The following MUSK variants were observed in gnomAD, a reference collection of about 807,000 sequenced individuals.
The protein encoded by MUSK is muscle, skeletal receptor tyrosine-protein kinase.
MUSK carries 55 observed loss-of-function variants against 88.7 expected under a neutral mutation model. The ratio of observed to expected loss-of-function variants is 0.62; its 90% CI spans 0.50 to 0.78. MUSK has a LOEUF of 0.78. MUSK is among the 30% of genes least tolerant of loss of function. The pLI is 0.00. For synonymous variants in MUSK, 387 were observed against 391.9 expected (o/e 0.99, Z 0.15); for missense variants, 1,015 against 1,074.3 (o/e 0.94, Z 0.77).
At chr9:110,683,701 T>C (rs1336793764) in intron 2 of MUSK, among the ~76,000 whole-genome samples, 1 of 152,172 alleles carries the variant, frequency 6.6e-6, no homozygotes, top group Non-Finnish European at 1.5e-5. Context: ...GATATCTTAT[T>C]GTAGTTTTTA....
chr9:110,759,155 T>G (rs1250811801), intron 7 of MUSK, among the ~76,000 whole-genome samples: 1 of 152,086 alleles, frequency 6.6e-6, no homozygotes, highest in African/African-American at 2.4e-5. Context: ...TGGAAGAGAA[T>G]AGAGAGCTCA....
intron 2 of MUSK, among the ~76,000 whole-genome samples, chr9:110,685,085 T>C (rs756283288): frequency 1.4e-4 from 21 of 152,248 alleles, no homozygotes; most frequent in Middle Eastern, 3.4e-3. Context: ...TTCAGTATGA[T>C]ACTACTAGCT....
rs751003770 is a variant in MUSK at position 110,747,659 on chromosome 9, C to T, written c.772C>T (p.Gln258Ter). ...CTGTCAGGTTTCTTCTGGGTCCATT[C>T]AAGAGAGTGTGAAAGACCGAGTGAT... is the stretch of plus-strand genomic sequence containing the variant. ...NGNAVSSGSI[Q>*]ESVKDRVIDS... The change falls in exon 7 of 15, where the codon CAA becomes TAA. Residue 258 changes from glutamine (Q) to a stop codon, truncating the protein, a stop_gained. Transcript: ENST00000374448. LOFTEE classifies it high-confidence loss of function. 3 of 1,613,554 alleles carry T rather than the reference C, an allele frequency of 1.9e-6. No homozygotes were observed. Among genetic ancestry groups the T allele is most frequent in the Non-Finnish European group, 1.7e-6 (2 of 1,179,596 alleles).
At chr9:110,691,175 C>G (rs73536298) in intron 3 of MUSK, among the ~76,000 whole-genome samples, 3,008 of 152,110 alleles carry the variant, frequency 0.02, 97 homozygotes, top group African/African-American at 0.069. Context: ...TCTTTATCAG[C>G]GTAGCCAATC....
At chr9:110,773,264 G>A (rs188723202) in intron 9 of MUSK, among the ~76,000 whole-genome samples, 36 of 152,148 alleles carry the variant, frequency 2.4e-4, no homozygotes, top group African/African-American at 4.3e-4. Context: ...AATAACAAAC[G>A]GAGAGGAGAA....
intron 7 of MUSK, among the ~76,000 whole-genome samples, chr9:110,761,460 C>G (rs2077397362): frequency 6.6e-6 from 1 of 150,842 alleles, no homozygotes. Flanking sequence ...CCTACTTTCT[C>G]TTCTACCCTC....
At chr9:110,739,120 A>T (rs915555120) in intron 6 of MUSK, among the ~76,000 whole-genome samples, 2 of 152,154 alleles carry the variant, frequency 1.3e-5, no homozygotes, top group African/African-American at 4.8e-5. Flanking sequence ...TGGGAATTAC[A>T]TACTTGTCTA....
At chr9:110,679,075 TTTCA>T (rs1286144354) in intron 1 of MUSK, among the ~76,000 whole-genome samples, 2 of 152,114 alleles carry the variant, frequency 1.3e-5, no homozygotes, top group Non-Finnish European at 2.9e-5. Flanking sequence ...TCTGTAATTG[TTTCA>T]TTGTTTTATA....
chr9:110,717,215 A>G (rs1007782846), intron 5 of MUSK, among the ~76,000 whole-genome samples: 2 of 148,954 alleles, frequency 1.3e-5, no homozygotes, highest in Non-Finnish European at 3.0e-5. Context: ...CTGGTAGATC[A>G]TTATATATTT....
chr9:110,699,748 A>C (rs2076477974), intron 5 of MUSK, among the ~76,000 whole-genome samples: 1 of 152,198 alleles, frequency 6.6e-6, no homozygotes, highest in South Asian at 2.1e-4. Context: ...CAGTTGGGGC[A>C]GACGAGCATA....
chr9:110,761,666 C>T (rs571165428), intron 7 of MUSK, among the ~76,000 whole-genome samples: 1 of 150,336 alleles, frequency 6.7e-6, no homozygotes, highest in Non-Finnish European at 1.5e-5. Context: ...CTCCGCCCCC[C>T]GGGGGTTCAC....
Position 110,762,215 on chromosome 9 carries a change from A to G in MUSK, c.920+7A>G. 1 of 1,432,458 alleles carries G rather than the reference A, an allele frequency of 7.0e-7. No homozygotes were observed. Among genetic ancestry groups the G allele is most frequent in the Non-Finnish European group, 9.2e-7 (1 of 1,089,570 alleles). The allele number at this position is 1,432,458 out of a possible 1,614,324, so 88.7% of individuals were successfully genotyped here. A position where few individuals can be genotyped will look rare whatever the true frequency, so the allele number is the denominator to read the frequency against. On this transcript the variant is annotated splice_region_variant and intron_variant, in intron 8 of 14. Coordinates refer to ENST00000374448, the MANE Select transcript of MUSK (RefSeq NM_005592.4). The stretch of plus-strand genomic sequence containing the variant: ...TCCTGTTAATAGAATGGAGGTAAGA[A>G]ACTGTTATTGTAACAATTGTTTCCA...
In MUSK at chr9:110,802,048, A is replaced by G. The variant is rs1004449928; in HGVS notation, c.*1060A>G. On this transcript the variant is annotated 3_prime_UTR_variant, in exon 15 of 15. Coordinates refer to ENST00000374448, the MANE Select transcript of MUSK (RefSeq NM_005592.4). ...TAAATCTCTTAAACCATAATTTATA[A>G]TATGAGATTTCACAAGATACACTTG... Among the ~76,000 whole-genome samples, 5 of 151,128 alleles carry G rather than the reference A, an allele frequency of 3.3e-5. No individual in the cohort carries two copies. Among genetic ancestry groups the G allele is most frequent in the African/African-American group, 1.2e-4 (5 of 40,438 alleles).
chr9:110,753,262 C>T (rs999583015), intron 7 of MUSK, among the ~76,000 whole-genome samples: 2 of 151,980 alleles, frequency 1.3e-5, no homozygotes, highest in African/African-American at 2.4e-5. Context: ...GAAACTCCAT[C>T]TCTACTAAAA....
intron 11 of MUSK, among the ~76,000 whole-genome samples, chr9:110,781,757 C>T (rs1436728539): frequency 6.6e-6 from 1 of 152,160 alleles, no homozygotes; most frequent in Non-Finnish European, 1.5e-5. Context: ...TCCCTGTGTC[C>T]TCACATGGCA....
At chr9:110,735,911 T>C (rs886429215) in intron 6 of MUSK, among the ~76,000 whole-genome samples, 3 of 152,140 alleles carry the variant, frequency 2.0e-5, no homozygotes, top group African/African-American at 7.2e-5. Context: ...AGAACAGCAC[T>C]GAGGGGATGG....
At chr9:110,671,347 C>A (rs796445915) in intron 1 of MUSK, among the ~76,000 whole-genome samples, 5 of 152,250 alleles carry the variant, frequency 3.3e-5, no homozygotes, top group African/African-American at 1.2e-4. Flanking sequence ...TTTCCCTATT[C>A]TTGGCAGACG....
chr9:110,764,288 A>T (rs1419432796), intron 8 of MUSK, among the ~76,000 whole-genome samples: 1 of 152,188 alleles, frequency 6.6e-6, no homozygotes, highest in African/African-American at 2.4e-5. Context: ...TTAGCTGGAC[A>T]TGGAGGGGTC....
chr9:110,760,692 A>G lies in MUSK; in HGVS notation c.914-1510A>G, dbSNP rs186463107. 7.9e-5 allele frequency among the ~76,000 whole-genome samples: 12 copies of G among 152,320 alleles called. No homozygotes were observed. In the East Asian group the frequency reaches 2.3e-3, roughly 29 times the overall value. On this transcript the variant is annotated intron_variant, in intron 7 of 14. Transcript: ENST00000374448. ...CGCAAGTCACAAGTTTACCTACACA[A>G]CAAACCTGAATTATGTACCCCCGAA...
Sources: allele counts gnomAD v4.1 joint callset (sites outside exome capture counted in the v4.1 genomes callset), GRCh38; gene constraint gnomAD v4.1.1; transcripts MANE v1.5; gene names NCBI Gene and HGNC (gene_info 2026-07-23, HGNC 2026-07-21).